Variants in ZSWIM5 observed in about 807,000 individuals in gnomAD.
ZSWIM5 encodes the protein zinc finger SWIM-type containing 5, also known as zinc finger SWIM domain-containing protein 5.
Under a neutral mutation model 119.6 loss-of-function variants are expected in ZSWIM5, and 55 were observed. The ratio of observed to expected loss-of-function variants is 0.46; its 90% CI spans 0.37 to 0.58. ZSWIM5 has a LOEUF of 0.58. Ranked by LOEUF, ZSWIM5 falls within the 20% of genes least tolerant of loss-of-function variation. The pLI is 0.00. For synonymous variants in ZSWIM5, 537 were observed against 606.9 expected, an observed-to-expected ratio of 0.88 and a Z score of 1.69; for missense variants, 1,193 against 1,512.8, an observed-to-expected ratio of 0.79 and a Z score of 3.51.
chr1:45,168,557 C>G (rs1040382974), intron 1 of ZSWIM5, among the ~76,000 whole-genome samples: 1 of 149,120 alleles, frequency 6.7e-6, no homozygotes, highest in Non-Finnish European at 1.5e-5. Context: ...CCCAGCTACT[C>G]GGGAGGCTGA....
At chr1:45,152,345 AG>A (rs1645802624) in intron 1 of ZSWIM5, among the ~76,000 whole-genome samples, 1 of 152,222 alleles carries the variant, frequency 6.6e-6, no homozygotes, top group African/African-American at 2.4e-5. Flanking sequence ...AGTTTGGCCA[AG>A]GTGGTGGTGG....
At chr1:45,110,182 GTTTAAA>G (rs372310505) in intron 1 of ZSWIM5, among the ~76,000 whole-genome samples, 4 of 152,274 alleles carry the variant, frequency 2.6e-5, no homozygotes, top group African/African-American at 9.6e-5. Context: ...TTTAAACAAT[GTTTAAA>G]TTTGTTTATA....
chr1:45,038,497 G>A lies in ZSWIM5; in HGVS notation c.1894+439C>T, dbSNP rs535282610. Among the ~76,000 whole-genome samples the A allele has an allele frequency of 1.0e-4, 15 of 150,750 alleles. No individual in the cohort carries two copies. The East Asian group carries it at 2.8e-3, about 28-fold the overall frequency. On this transcript the variant is annotated intron_variant, in intron 8 of 13. Coordinates refer to ENST00000359600, the MANE Select transcript of ZSWIM5 (RefSeq NM_020883.2). ...GGAAAGGAAGGTGGGAAATGGGCAA[G>A]CATGAAGAAACCTCTCAGGGTGCTC...
chr1:45,086,095 T>C (rs187846698), intron 2 of ZSWIM5, among the ~76,000 whole-genome samples: 16 of 152,294 alleles, frequency 1.1e-4, no homozygotes, highest in Admixed American at 2.6e-4. Flanking sequence ...TCAGGAACAT[T>C]ACAATCATGG....
chr1:45,170,664 A>G lies in ZSWIM5; in HGVS notation c.595+35092T>C, dbSNP rs546843800. On this transcript the variant is annotated intron_variant, in intron 1 of 13. Transcript: ENST00000359600. ...GGCTGGCTTTGAACTCCTTGCCTCAAGCGATCCTCTTGCCTTGGCCTTCCA... is the reference window on the plus strand; with the variant it reads ...GGCTGGCTTTGAACTCCTTGCCTCAGGCGATCCTCTTGCCTTGGCCTTCCA... Among the ~76,000 whole-genome samples the G allele has an allele frequency of 9.2e-5, 14 of 152,134 alleles. No individual in the cohort carries two copies. The East Asian group carries it at 2.7e-3, about 29-fold the overall frequency.
intron 8 of ZSWIM5, among the ~76,000 whole-genome samples, chr1:45,036,621 C>T (rs1644986355): frequency 6.6e-6 from 1 of 151,992 alleles, no homozygotes; most frequent in Admixed American, 6.6e-5. Context: ...TCCGAATGTG[C>T]TGGGATTACA....
rs751458263 is a variant in ZSWIM5, at chr1:45,057,779, T to G, written c.1252+830A>C. 3.3e-5 allele frequency among the ~76,000 whole-genome samples: 5 copies of G among 152,162 alleles called. No individual in the cohort carries two copies. The highest frequency in any genetic ancestry group is 7.3e-5 in the Non-Finnish European group (5 of 68,032). On this transcript the variant is annotated intron_variant, in intron 4 of 13. Coordinates refer to ENST00000359600, the MANE Select transcript of ZSWIM5 (RefSeq NM_020883.2). This position sits in a 1 kb window ranked among gnomAD's most constrained non-coding sequence, Gnocchi z 4.7. ...GCAAGGGAATGCTAAAGAGAAATGA[T>G]GGCCACAGAGGACTGCCTTGATGAG... is the stretch of plus-strand genomic sequence containing the variant.
rs191724132 is a variant in ZSWIM5 at position 45,069,421 on chromosome 1, G to A, written c.953-9174C>T. On this transcript the variant is annotated intron_variant, in intron 2 of 13. Coordinates refer to ENST00000359600, the MANE Select transcript of ZSWIM5 (RefSeq NM_020883.2). ...AGCCTGGACGACAGAGTGAGACTCC[G>A]TCTCCAAAAAAAAAAAAAAGAAATT... is the stretch of plus-strand genomic sequence containing the variant. 3.6e-3 allele frequency among the ~76,000 whole-genome samples: 527 copies of A among 146,768 alleles called. 4 individuals carry two copies. Among genetic ancestry groups the A allele is most frequent in the African/African-American group, 0.012 (478 of 38,982 alleles).
intron 1 of ZSWIM5, among the ~76,000 whole-genome samples, chr1:45,107,893 C>T (rs1250580853): frequency 6.6e-6 from 1 of 152,098 alleles, no homozygotes; most frequent in Non-Finnish European, 1.5e-5. Flanking sequence ...CCTGGCTTGG[C>T]TTAAGCGATC....
At chr1:45,177,614 C>T (rs751150910) in intron 1 of ZSWIM5, among the ~76,000 whole-genome samples, 6 of 152,096 alleles carry the variant, frequency 3.9e-5, no homozygotes, top group Non-Finnish European at 7.4e-5. Context: ...TAAGACAATT[C>T]GGGGAGATTG....
chr1:45,141,275 C>T (rs550810661), intron 1 of ZSWIM5, among the ~76,000 whole-genome samples: 19 of 152,216 alleles, frequency 1.2e-4, no homozygotes, highest in Admixed American at 3.9e-4. Flanking sequence ...TGTTTTCCTG[C>T]TGCTTGGACC....
At chr1:45,193,183 A>G (rs1351294244) in intron 1 of ZSWIM5, among the ~76,000 whole-genome samples, 1 of 152,176 alleles carries the variant, frequency 6.6e-6, no homozygotes, top group Admixed American at 6.6e-5. Flanking sequence ...AGCTGGCCAT[A>G]CTGATTAAGT....
rs1192527660 is a variant in ZSWIM5 at position 45,206,391 on chromosome 1, T to C, written c.-41A>G. 1 of 1,351,930 alleles carries C rather than the reference T, an allele frequency of 7.4e-7. No homozygotes were observed. The highest frequency in any genetic ancestry group is 9.5e-7 in the Non-Finnish European group (1 of 1,055,376). 83.7% of individuals were successfully genotyped at this position (1,351,930 alleles called of 1,614,324 possible). ...GACTGACTGAGGCGGCGGCGGCTGC[T>C]CGGGCTGCGGCGGAGACCCTGGCCA... On this transcript the variant is annotated 5_prime_UTR_variant, in exon 1 of 14. Coordinates refer to ENST00000359600, the MANE Select transcript of ZSWIM5 (RefSeq NM_020883.2).
chr1:45,166,124 C>G (rs1161725129), intron 1 of ZSWIM5, among the ~76,000 whole-genome samples: 1 of 152,158 alleles, frequency 6.6e-6, no homozygotes, highest in African/African-American at 2.4e-5. Flanking sequence ...CCGCCATGAT[C>G]AAGTGGGCTT....
chr1:45,024,040 C>T (rs988383608), intron 11 of ZSWIM5, among the ~76,000 whole-genome samples: 2 of 152,046 alleles, frequency 1.3e-5, no homozygotes, highest in Admixed American at 6.6e-5. Flanking sequence ...ATCTTTAGCC[C>T]ATTTTAAAAT....
intron 1 of ZSWIM5, among the ~76,000 whole-genome samples, chr1:45,096,898 CCCA>C (rs1645406725): frequency 6.6e-6 from 1 of 152,314 alleles, no homozygotes; most frequent in Non-Finnish European, 1.5e-5. Context: ...TATAAGAACC[CCCA>C]CCATCATGTC....
chr1:45,199,294 C>CT (rs557544245), intron 1 of ZSWIM5, among the ~76,000 whole-genome samples: 1,424 of 139,872 alleles, frequency 0.01, 18 homozygotes, highest in East Asian at 0.049. Context: ...CTTCAATAGT[C>CT]TTTTTTTTTT....
chr1:45,022,927 G>A (rs1425835727), intron 11 of ZSWIM5, among the ~76,000 whole-genome samples: 1 of 152,158 alleles, frequency 6.6e-6, no homozygotes, highest in Non-Finnish European at 1.5e-5. Context: ...CTTGTGCCCA[G>A]CAAATTGAAG....
intron 1 of ZSWIM5, among the ~76,000 whole-genome samples, chr1:45,199,810 G>A (rs539838728): frequency 2.6e-5 from 4 of 152,236 alleles, no homozygotes; most frequent in East Asian, 3.9e-4. Context: ...AGGCTTTGAT[G>A]CCCAACCTAA....
Sources: gnomAD v4.1 joint callset for allele counts (sites outside exome capture counted in the v4.1 genomes callset) on GRCh38, gnomAD v4.1.1 for gene constraint, Gnocchi (gnomAD v3.1) non-coding constraint, MANE v1.5 for transcripts, NCBI Gene and HGNC (gene_info 2026-07-23, HGNC 2026-07-21) for gene names.